USF1: variants seen among roughly 807,000 people sequenced by gnomAD.
The protein encoded by USF1 is upstream transcription factor 1.
USF1 carries 22 observed loss-of-function variants against 46.3 expected under a neutral mutation model. The ratio of observed to expected loss-of-function variants is 0.47; its 90% CI spans 0.34 to 0.68. USF1 has a LOEUF of 0.68. USF1 is among the 30% of genes least tolerant of loss of function. The probability of loss-of-function intolerance (pLI) is 0.01; values close to 1 mark genes in which losing one functional copy is unlikely to be tolerated. For missense variants in USF1, 287 were observed against 399.3 expected (o/e 0.72, Z 2.40); for synonymous variants, 150 against 147.0 (o/e 1.02, Z -0.15).
intron 6 of USF1, 114 bp downstream of exon 6, chr1:161,041,537 C>A: frequency 6.8e-7 from 1 of 1,475,400 alleles, no homozygotes; most frequent in Non-Finnish European, 9.2e-7. Context: ...AGACTCACTG[C>A]CTGTCCAGGT....
chr1:161,042,156 C>T lies in USF1; in HGVS notation c.236G>A (p.Gly79Asp), dbSNP rs746281509. 6.2e-7 allele frequency: 1 copy of T among 1,614,010 alleles called. No individual in the cohort carries two copies. Among genetic ancestry groups the T allele is most frequent in the African/African-American group, 1.3e-5 (1 of 75,024 alleles). ...AGTGGCAGGGTAGCCACTGATGGCG[C>T]CAGTTCCCTCAGTTTGGCCATCCAG... The part of the protein sequence containing the change: ...GQLDGQTEGT[G>D]AISGYPATQS... Residue 79 changes from glycine (G) to aspartate (D), a missense_variant, in exon 5 of 11, where the codon GGC becomes GAC. Transcript: ENST00000368021.
rs748877988 is a variant in USF1 at position 161,042,269 on chromosome 1, T to C, written c.175-52A>G. 6 of 1,554,834 alleles carry C rather than the reference T, an allele frequency of 3.9e-6. No homozygotes were observed. The East Asian group carries it at 1.4e-4, about 35-fold the overall frequency. On this transcript the variant is annotated intron_variant, in intron 4 of 10. Coordinates refer to ENST00000368021, the MANE Select transcript of USF1 (RefSeq NM_007122.5). ...AGTGAAGAGAGAAGAAAAGATTAAG[T>C]GTTGGGAATCCTAGGGCCCCTCATA...
At chr1:161,042,795 G>A in intron 3 of USF1, 38 bp downstream of exon 3, 1 of 1,613,990 alleles carries the variant, frequency 6.2e-7, no homozygotes, top group Non-Finnish European at 8.5e-7. Context: ...GGGAGGCCAT[G>A]ATGGGTTCTT....
Sources: gnomAD v4.1 joint callset for allele counts on GRCh38, gnomAD v4.1.1 for gene constraint, MANE v1.5 for transcripts, NCBI Gene and HGNC (gene_info 2026-07-23, HGNC 2026-07-21) for gene names.